The following BICD1 variants were observed in gnomAD, a reference collection of about 807,000 sequenced individuals.
BICD1 encodes protein bicaudal D homolog 1.
BICD1 carries 35 observed loss-of-function variants against 92.5 expected under a neutral mutation model. The observed-to-expected ratio is 0.38, with a 90% CI of 0.29 to 0.50. BICD1 has a LOEUF of 0.50. Ranked by LOEUF, BICD1 falls within the 20% of genes least tolerant of loss-of-function variation. The pLI, the probability that BICD1 is intolerant of heterozygous loss-of-function variation, is 0.93. For missense variants in BICD1, 950 were observed against 1,189.8 expected (o/e 0.80, Z 2.97); for synonymous variants, 429 against 465.1 (o/e 0.92, Z 1.00).
rs76934710 is a variant in BICD1 at position 32,378,021 on chromosome 12, C to T, written c.*394C>T. On this transcript the variant is annotated 3_prime_UTR_variant, in exon 10 of 10. Coordinates refer to ENST00000652176, the MANE Select transcript of BICD1 (RefSeq NM_001714.4). ...CCAAATTCAGCTAGGGAAGTTGATT[C>T]CAATATGTTTGTCATTGATATTTAT... 4.9e-3 allele frequency: 776 copies of T among 158,052 alleles called. 5 individuals are homozygous for T. Among genetic ancestry groups the T allele is most frequent in the African/African-American group, 0.018 (748 of 41,770 alleles). The allele number at this position is 158,052 out of a possible 1,614,324, so 9.8% of individuals were successfully genotyped here.
At chr12:32,173,234 G>A (rs182894646) in intron 1 of BICD1, among the ~76,000 whole-genome samples, 62 of 152,238 alleles carry the variant, frequency 4.1e-4, no homozygotes, top group Middle Eastern at 3.4e-3. Context: ...GTTTTTAGTA[G>A]AGATGGGGTT....
chr12:32,362,746 T>C (rs1321793904), intron 8 of BICD1, among the ~76,000 whole-genome samples: 1 of 152,208 alleles, frequency 6.6e-6, no homozygotes, highest in Non-Finnish European at 1.5e-5. Context: ...CCTAACTGTG[T>C]GACCTTGGGC....
At chr12:32,240,428 G>C (rs371116771) in intron 2 of BICD1, among the ~76,000 whole-genome samples, 5 of 152,086 alleles carry the variant, frequency 3.3e-5, no homozygotes, top group Non-Finnish European at 4.4e-5. Flanking sequence ...CTTGCATTCT[G>C]TGTGTTCACT....
intron 4 of BICD1, among the ~76,000 whole-genome samples, chr12:32,320,050 T>C (rs543746275): frequency 3.3e-5 from 5 of 152,252 alleles, no homozygotes; most frequent in Non-Finnish European, 7.3e-5. Context: ...TATCTTGATC[T>C]TTTTTCATAG....
At chr12:32,112,452 T>G (rs1378040930) in intron 1 of BICD1, among the ~76,000 whole-genome samples, 1 of 152,242 alleles carries the variant, frequency 6.6e-6, no homozygotes, top group African/African-American at 2.4e-5. Flanking sequence ...CTTCAGAACT[T>G]TCTGCTTGCA....
chr12:32,251,044 G>A (rs1946509533), intron 2 of BICD1, among the ~76,000 whole-genome samples: 1 of 152,098 alleles, frequency 6.6e-6, no homozygotes. Flanking sequence ...GTTCTTTTGA[G>A]TGAGTTAGAA....
At chr12:32,225,698 G>GC (rs1473825785) in intron 2 of BICD1, among the ~76,000 whole-genome samples, 4 of 134,116 alleles carry the variant, frequency 3.0e-5, no homozygotes, top group African/African-American at 1.1e-4. Flanking sequence ...TCAGCTCACT[G>GC]CAACCTCCAC....
intron 1 of BICD1, among the ~76,000 whole-genome samples, chr12:32,190,916 C>T (rs897503018): frequency 1.3e-5 from 2 of 152,122 alleles, no homozygotes; most frequent in African/African-American, 4.8e-5. Flanking sequence ...ATCATAATAA[C>T]ATTAGAAATT....
intron 2 of BICD1, among the ~76,000 whole-genome samples, chr12:32,238,807 A>C (rs7137148): frequency 6.6e-6 from 1 of 151,164 alleles, no homozygotes; most frequent in Admixed American, 6.6e-5. Context: ...TTAGCCGGGC[A>C]TGGTGGCACG....
chr12:32,165,460 G>A (rs1234303871), intron 1 of BICD1, among the ~76,000 whole-genome samples: 1 of 152,116 alleles, frequency 6.6e-6, no homozygotes, highest in Non-Finnish European at 1.5e-5. Flanking sequence ...AGCTTGCAGT[G>A]AGCCGAGATC....
At chr12:32,184,677 A>C (rs1944379462) in intron 1 of BICD1, among the ~76,000 whole-genome samples, 1 of 152,228 alleles carries the variant, frequency 6.6e-6, no homozygotes, top group African/African-American at 2.4e-5. Flanking sequence ...AAACAAAGTG[A>C]GGATGGTAGG....
rs1407394436 is a variant in BICD1 at position 32,346,633 on chromosome 12, TACGTGTATATATATATATATATATAC to T, written c.2764+7657_2764+7682del. ...ATATACGTGTATATATATATATATA[TACGTGTATATATATATATATATATAC>T]ACACACACACGCACACACACACATA... On this transcript the variant is annotated intron_variant, in intron 8 of 9. Coordinates refer to ENST00000652176, the MANE Select transcript of BICD1 (RefSeq NM_001714.4). Among the ~76,000 whole-genome samples the T allele has an allele frequency of 1.1e-3, 20 of 18,080 alleles. 1 individual carries two copies. The highest frequency in any genetic ancestry group is 1.8e-3 in the Admixed American group (2 of 1,090). The allele number at this position is 18,080 out of a possible 152,430, so 11.9% of individuals were successfully genotyped here. A position where few individuals can be genotyped will look rare whatever the true frequency, so the allele number is the denominator to read the frequency against.
At chr12:32,252,022 CATATATTTATAAT>C (rs1343239651) in intron 2 of BICD1, among the ~76,000 whole-genome samples, 2 of 34,060 alleles carry the variant, frequency 5.9e-5, no homozygotes, top group South Asian at 8.4e-4. Context: ...TAATAAATAT[CATATATTTATAAT>C]ATATATTTAT....
intron 5 of BICD1, among the ~76,000 whole-genome samples, chr12:32,334,262 C>T (rs1278322928): frequency 6.6e-6 from 1 of 152,156 alleles, no homozygotes; most frequent in East Asian, 1.9e-4. Flanking sequence ...CTGTCATTCT[C>T]TTAGCTCCTG....
intron 1 of BICD1, among the ~76,000 whole-genome samples, chr12:32,172,828 C>T (rs1217416750): frequency 2.0e-5 from 3 of 152,182 alleles, no homozygotes; most frequent in Admixed American, 6.5e-5. Flanking sequence ...AAGGAGATTC[C>T]ATGCTAGACA....
chr12:32,267,620 T>G (rs973572480), intron 2 of BICD1, among the ~76,000 whole-genome samples: 3 of 151,558 alleles, frequency 2.0e-5, no homozygotes, highest in Admixed American at 6.6e-5. Flanking sequence ...CTTATTAAGC[T>G]ATTTTTTTGT....
chr12:32,375,481 G>T (rs1170517152), intron 9 of BICD1, among the ~76,000 whole-genome samples: 4 of 152,182 alleles, frequency 2.6e-5, no homozygotes, highest in Non-Finnish European at 5.9e-5. Flanking sequence ...AGTGAGCCGA[G>T]ATCGTGCCAC....
rs1343680835 is a variant in BICD1 at position 32,184,588 on chromosome 12, A to T, written c.214-31659A>T. Among the ~76,000 whole-genome samples, 4 of 152,188 alleles carry T rather than the reference A, an allele frequency of 2.6e-5. No individual in the cohort carries two copies. The South Asian group carries it at 8.3e-4, about 31-fold the overall frequency. ...GTGTGAGCCACCGCGCCCGGCCAAA[A>T]TAATTGTTTTCTATCCTTAGTGAAG... On this transcript the variant is annotated intron_variant, in intron 1 of 9. Transcript: ENST00000652176.
intron 2 of BICD1, among the ~76,000 whole-genome samples, chr12:32,239,485 G>T (rs1946174633): frequency 6.7e-6 from 1 of 148,240 alleles, no homozygotes; most frequent in African/African-American, 2.5e-5. Context: ...AGAATCACTT[G>T]AACCCAGGAG....
Sources: allele counts gnomAD v4.1 joint callset (sites outside exome capture counted in the v4.1 genomes callset), GRCh38; gene constraint gnomAD v4.1.1; transcripts MANE v1.5; gene names NCBI Gene and HGNC (gene_info 2026-07-23, HGNC 2026-07-21).